Variants in ADAMTSL3 observed in about 807,000 individuals in gnomAD.
ADAMTSL3 encodes the protein ADAMTS-like protein 3.
Under a neutral mutation model 201.7 loss-of-function variants are expected in ADAMTSL3, and 128 were observed. The ratio of observed to expected loss-of-function variants is 0.63; its 90% CI spans 0.55 to 0.73. The LOEUF (loss-of-function observed/expected upper bound fraction) is 0.73. Among genes scored for constraint, ADAMTSL3 ranks in the 30% least tolerant of loss-of-function variants. ADAMTSL3 has a pLI of 0.00. For synonymous variants in ADAMTSL3, 738 were observed against 748.4 expected (o/e 0.99, Z 0.23); for missense variants, 1,990 against 2,119.6 (o/e 0.94, Z 1.20).
chr15:84,002,744 C>G (rs778308733), intron 23 of ADAMTSL3, among the ~76,000 whole-genome samples: 1 of 152,072 alleles, frequency 6.6e-6, no homozygotes. Flanking sequence ...TTTTATGAAT[C>G]GGACTTTCTT....
chr15:83,873,283 A>G (rs1013618590), intron 9 of ADAMTSL3, among the ~76,000 whole-genome samples: 1 of 145,600 alleles, frequency 6.9e-6, no homozygotes, highest in Non-Finnish European at 1.5e-5. Flanking sequence ...CAGCCTGGGC[A>G]ACAGAGCAAG....
At chr15:83,710,168 A>T (rs956749846) in intron 3 of ADAMTSL3, among the ~76,000 whole-genome samples, 68 of 152,132 alleles carry the variant, frequency 4.5e-4, no homozygotes, top group African/African-American at 1.4e-3. Context: ...AACTACCTTG[A>T]TCTCATGTTG....
chr15:83,858,917 C>G (rs1334312371), intron 8 of ADAMTSL3, 77 bp downstream of exon 8: 8 of 1,285,398 alleles, frequency 6.2e-6, no homozygotes, highest in African/African-American at 3.0e-5. Context: ...AACAAAAAAC[C>G]CACAAACCAA....
intron 22 of ADAMTSL3, among the ~76,000 whole-genome samples, chr15:83,989,805 C>A (rs2067551053): frequency 6.6e-6 from 1 of 152,078 alleles, no homozygotes. Flanking sequence ...TCTTTATGAC[C>A]TTGTTTGTAT....
intron 3 of ADAMTSL3, among the ~76,000 whole-genome samples, chr15:83,729,124 G>A (rs577263303): frequency 6.6e-6 from 1 of 152,188 alleles, no homozygotes; most frequent in African/African-American, 2.4e-5. Context: ...GCTGCTGCCA[G>A]ATATATTGGG....
At chr15:83,655,651 C>T (rs1387450859) in intron 1 of ADAMTSL3, 78 bp from the exon 2 acceptor site, 3 of 1,050,474 alleles carry the variant, frequency 2.9e-6, no homozygotes, top group Middle Eastern at 2.0e-4. Flanking sequence ...GTCCCTCCAT[C>T]TAATGGGTCG....
At chr15:83,887,326 A>G (rs1372197470) in intron 10 of ADAMTSL3, among the ~76,000 whole-genome samples, 4 of 152,232 alleles carry the variant, frequency 2.6e-5, no homozygotes, top group Non-Finnish European at 5.9e-5. Flanking sequence ...TTCAACTTAA[A>G]TAAACATATT....
At chr15:83,661,426 C>T (rs1483026372) in intron 2 of ADAMTSL3, among the ~76,000 whole-genome samples, 1 of 151,752 alleles carries the variant, frequency 6.6e-6, no homozygotes, top group East Asian at 1.9e-4. Flanking sequence ...ATGGAATGTT[C>T]TTCCATTTGT....
chr15:83,772,417 C>T (rs1294371344), intron 3 of ADAMTSL3, among the ~76,000 whole-genome samples: 3 of 152,156 alleles, frequency 2.0e-5, no homozygotes, highest in Non-Finnish European at 4.4e-5. Context: ...ATACCTACAT[C>T]TATGTACTTT....
intron 5 of ADAMTSL3, among the ~76,000 whole-genome samples, chr15:83,817,629 A>C (rs1433484575): frequency 6.6e-6 from 1 of 152,256 alleles, no homozygotes; most frequent in Admixed American, 6.5e-5. Flanking sequence ...ATGAAGTTTA[A>C]TAGTTTCATC....
intron 4 of ADAMTSL3, among the ~76,000 whole-genome samples, chr15:83,781,413 A>G (rs527474033): frequency 6.6e-6 from 1 of 152,378 alleles, no homozygotes; most frequent in African/African-American, 2.4e-5. Flanking sequence ...AGTCATATGC[A>G]GAAGATTGAA....
At chr15:83,759,442 G>T (rs1321484600) in intron 3 of ADAMTSL3, among the ~76,000 whole-genome samples, 1 of 152,134 alleles carries the variant, frequency 6.6e-6, no homozygotes, top group East Asian at 1.9e-4. Flanking sequence ...AGCCGGGATG[G>T]TCTTGATCTC....
intron 5 of ADAMTSL3, among the ~76,000 whole-genome samples, chr15:83,806,427 C>G (rs909791571): frequency 2.0e-5 from 3 of 152,198 alleles, no homozygotes; most frequent in African/African-American, 7.2e-5. Context: ...ACTGTGTCCA[C>G]CCAGAACCAA....
At chr15:83,805,079 A>G (rs1252044752) in intron 5 of ADAMTSL3, among the ~76,000 whole-genome samples, 1 of 152,112 alleles carries the variant, frequency 6.6e-6, no homozygotes, top group African/African-American at 2.4e-5. Context: ...CCGAGGTAAA[A>G]TTATTTTTTG....
intron 4 of ADAMTSL3, among the ~76,000 whole-genome samples, chr15:83,803,157 A>G (rs966392187): frequency 2.0e-5 from 3 of 152,220 alleles, no homozygotes; most frequent in Admixed American, 6.5e-5. Flanking sequence ...AATGGCAGAA[A>G]CAGTGGAGGA....
intron 8 of ADAMTSL3, among the ~76,000 whole-genome samples, chr15:83,859,692 C>A (rs926632101): frequency 6.6e-6 from 1 of 152,044 alleles, no homozygotes; most frequent in Admixed American, 6.6e-5. Flanking sequence ...GGTGGTGGTA[C>A]CCTGTTGGGT....
At chr15:83,848,992 A>C (rs1329682966) in intron 7 of ADAMTSL3, among the ~76,000 whole-genome samples, 1 of 152,212 alleles carries the variant, frequency 6.6e-6, no homozygotes, top group Non-Finnish European at 1.5e-5. Flanking sequence ...TCAATAAGAC[A>C]GTTTTGGAAT....
At chr15:83,803,557 TG>T (rs1344674073) in intron 4 of ADAMTSL3, among the ~76,000 whole-genome samples, 2 of 152,224 alleles carry the variant, frequency 1.3e-5, no homozygotes, top group East Asian at 3.9e-4. Context: ...GTAACTCCAT[TG>T]AAAAATTAGG....
At chr15:83,724,399 A>G (rs1235098728) in intron 3 of ADAMTSL3, among the ~76,000 whole-genome samples, 2 of 151,766 alleles carry the variant, frequency 1.3e-5, no homozygotes, top group Non-Finnish European at 2.9e-5. Flanking sequence ...CACCTGGCCT[A>G]TTCATTTATT....
Sources: gnomAD v4.1 joint callset for allele counts (sites outside exome capture counted in the v4.1 genomes callset) on GRCh38, gnomAD v4.1.1 for gene constraint, MANE v1.5 for transcripts, NCBI Gene and HGNC (gene_info 2026-07-23, HGNC 2026-07-21) for gene names.